TACR1: variants seen among roughly 807,000 people sequenced by gnomAD.
TACR1 encodes the protein tachykinin receptor 1.
In TACR1, 25 loss-of-function variants were observed where a neutral mutation model predicts 35.8. The observed-to-expected ratio is 0.70, with a 90% CI of 0.51 to 0.98. The LOEUF (loss-of-function observed/expected upper bound fraction) is 0.98. Ranked by LOEUF, TACR1 falls within the 50% of genes least tolerant of loss-of-function variation. TACR1 has a pLI of 0.00. For synonymous variants in TACR1, 195 were observed against 206.7 expected, an observed-to-expected ratio of 0.94 and a Z score of 0.48; for missense variants, 478 against 522.9, an observed-to-expected ratio of 0.91 and a Z score of 0.84.
At chr2:75,162,847 G>C (rs768883509) in intron 1 of TACR1, among the ~76,000 whole-genome samples, 1 of 152,162 alleles carries the variant, frequency 6.6e-6, no homozygotes, top group Non-Finnish European at 1.5e-5. Flanking sequence ...TTCCATGCTA[G>C]AATCCCAGTT....
At chr2:75,056,145 G>A (rs1468020040) in intron 2 of TACR1, among the ~76,000 whole-genome samples, 6 of 152,148 alleles carry the variant, frequency 3.9e-5, no homozygotes, top group Admixed American at 2.0e-4. Flanking sequence ...ATTGTTGTCC[G>A]TGATTTAATG....
In TACR1 at chr2:75,199,130, C is replaced by T; in HGVS notation, c.-196G>A. On this transcript the variant is annotated 5_prime_UTR_variant, in exon 1 of 5. Transcript: ENST00000305249. Reference sequence around the variant, plus strand: ...GCTTCTGGATGCACTGCCCGCCTGCCCGCGGTGGCTCTGAATTCCTCCACT... The same window carrying T: ...GCTTCTGGATGCACTGCCCGCCTGCTCGCGGTGGCTCTGAATTCCTCCACT... 7.9e-6 allele frequency: 5 copies of T among 630,986 alleles called. No individual in the cohort carries two copies. Among genetic ancestry groups the T allele is most frequent in the Non-Finnish European group, 2.7e-6 (1 of 377,122 alleles). The allele number at this position is 630,986 out of a possible 1,614,324, so 39.1% of individuals were successfully genotyped here. A position where few individuals can be genotyped will look rare whatever the true frequency, so the allele number is the denominator to read the frequency against.
intron 2 of TACR1, among the ~76,000 whole-genome samples, chr2:75,102,286 G>C (rs1417790527): frequency 6.6e-6 from 1 of 152,180 alleles, no homozygotes; most frequent in Non-Finnish European, 1.5e-5. Flanking sequence ...ATTCAGTTGA[G>C]CTGGCACAAA....
intron 3 of TACR1, among the ~76,000 whole-genome samples, chr2:75,052,101 A>G (rs565950640): frequency 1.3e-5 from 2 of 152,348 alleles, no homozygotes; most frequent in African/African-American, 4.8e-5. Context: ...TATGATCTGA[A>G]TGTTTGTGTC....
chr2:75,130,398 G>T (rs1674154509), intron 1 of TACR1, among the ~76,000 whole-genome samples: 1 of 152,226 alleles, frequency 6.6e-6, no homozygotes, highest in Non-Finnish European at 1.5e-5. Flanking sequence ...TCAGCAGGAA[G>T]CCCCTAACAG....
At chr2:75,150,539 T>G (rs1312505458) in intron 1 of TACR1, among the ~76,000 whole-genome samples, 36 of 152,190 alleles carry the variant, frequency 2.4e-4, no homozygotes, top group Admixed American at 2.4e-3. Context: ...ATATATGAAG[T>G]GGTACCAGTG....
intron 2 of TACR1, among the ~76,000 whole-genome samples, chr2:75,078,161 T>C (rs1673014862): frequency 6.6e-6 from 1 of 152,214 alleles, no homozygotes; most frequent in African/African-American, 2.4e-5. Flanking sequence ...AGAGCTTACC[T>C]GAAAGAGCTG....
intron 1 of TACR1, among the ~76,000 whole-genome samples, chr2:75,151,000 T>C (rs2103965007): frequency 6.6e-6 from 1 of 152,304 alleles, no homozygotes; most frequent in East Asian, 1.9e-4. Flanking sequence ...TTGTGGAACT[T>C]TGAACTTGAA....
At chr2:75,083,600 C>A (rs1310795858) in intron 2 of TACR1, among the ~76,000 whole-genome samples, 2 of 151,992 alleles carry the variant, frequency 1.3e-5, no homozygotes, top group East Asian at 1.9e-4. Context: ...CTTTTATTTC[C>A]TTGAGCAGTG....
chr2:75,116,233 T>C (rs1013928879), intron 2 of TACR1, among the ~76,000 whole-genome samples: 1 of 152,080 alleles, frequency 6.6e-6, no homozygotes, highest in Non-Finnish European at 1.5e-5. Flanking sequence ...GCCTCCCAAG[T>C]ATCTGGGACC....
chr2:75,115,702 C>G (rs1673840031), intron 2 of TACR1, among the ~76,000 whole-genome samples: 1 of 151,760 alleles, frequency 6.6e-6, no homozygotes, highest in African/African-American at 2.4e-5. Flanking sequence ...GTCAGGAGAT[C>G]GAGACCAGCC....
intron 2 of TACR1, among the ~76,000 whole-genome samples, chr2:75,109,460 T>C (rs1296808673): frequency 2.0e-5 from 3 of 152,148 alleles, no homozygotes; most frequent in Non-Finnish European, 1.5e-5. Flanking sequence ...ACTACAGTTA[T>C]TAGAATGAAC....
chr2:75,160,683 A>G (rs1674984895), intron 1 of TACR1, among the ~76,000 whole-genome samples: 1 of 151,162 alleles, frequency 6.6e-6, no homozygotes, highest in African/African-American at 2.4e-5. Context: ...TGAAAAGGAA[A>G]AGAACAATAA....
At chr2:75,070,454 A>T (rs537823060) in intron 2 of TACR1, among the ~76,000 whole-genome samples, 1 of 152,188 alleles carries the variant, frequency 6.6e-6, no homozygotes, top group Admixed American at 6.5e-5. Flanking sequence ...CATGTTGATT[A>T]TGCCATTTCT....
intron 1 of TACR1, among the ~76,000 whole-genome samples, chr2:75,121,852 C>T (rs13423239): frequency 0.11 from 16,187 of 152,166 alleles, 1,110 homozygotes; most frequent in Admixed American, 0.21. Flanking sequence ...GACGTCCATG[C>T]GACAGAATGG....
At position 75,183,382 on chromosome 2, in the gene TACR1, CTA is replaced by C. The variant is rs1206087392; in HGVS notation, c.389+15162_389+15163del. 2.0e-5 allele frequency among the ~76,000 whole-genome samples: 3 copies of C among 152,236 alleles called. No individual in the cohort carries two copies. In the East Asian group the frequency reaches 5.8e-4, roughly 29 times the overall value. On this transcript the variant is annotated intron_variant, in intron 1 of 4. Transcript: ENST00000305249. The stretch of plus-strand genomic sequence containing the variant: ...AATTTTTAAAAATTGCAGCGTTTAT[CTA>C]TGTTTTTTCTCTAAAAAGGTTAATT...
intron 2 of TACR1, among the ~76,000 whole-genome samples, chr2:75,073,879 A>G (rs1166437145): frequency 6.6e-6 from 1 of 152,180 alleles, no homozygotes; most frequent in Non-Finnish European, 1.5e-5. Context: ...AGACATTTAC[A>G]GAATATGTTC....
At chr2:75,147,825 C>A (rs1430118359) in intron 1 of TACR1, among the ~76,000 whole-genome samples, 1 of 151,612 alleles carries the variant, frequency 6.6e-6, no homozygotes. Context: ...CTCACTGCAA[C>A]CTCTGCCTCC....
intron 2 of TACR1, among the ~76,000 whole-genome samples, chr2:75,108,509 A>C (rs1032452255): frequency 1.1e-4 from 17 of 152,210 alleles, no homozygotes; most frequent in African/African-American, 3.9e-4. Context: ...AGTTCATTGA[A>C]CATTGAACTT....
Sources: allele counts gnomAD v4.1 joint callset (sites outside exome capture counted in the v4.1 genomes callset), GRCh38; gene constraint gnomAD v4.1.1; transcripts MANE v1.5; gene names NCBI Gene and HGNC (gene_info 2026-07-23, HGNC 2026-07-21).